Variants in AMOTL2 observed in about 807,000 individuals in gnomAD.
AMOTL2 encodes angiomotin-like protein 2.
A neutral mutation model predicts 78.4 loss-of-function variants in AMOTL2; 33 were observed. The ratio of observed to expected loss-of-function variants is 0.42; its 90% CI spans 0.32 to 0.56. AMOTL2 has a LOEUF of 0.56. Among genes scored for constraint, AMOTL2 ranks in the 20% least tolerant of loss-of-function variants. AMOTL2 has a pLI of 0.12. For missense variants in AMOTL2, 983 were observed against 1,030.1 expected (o/e 0.95, Z 0.63); for synonymous variants, 422 against 428.8 (o/e 0.98, Z 0.20).
At chr3:134,371,557 A>C (rs1438413306) in intron 1 of AMOTL2, 63 bp from the exon 2 acceptor site, 1 of 1,497,316 alleles carries the variant, frequency 6.7e-7, no homozygotes, top group Non-Finnish European at 8.9e-7. Context: ...GGAAAGGAGA[A>C]GGCTTTCCAG....
chr3:134,367,976 C>A, intron 2 of AMOTL2, 173 bp from the exon 3 acceptor site: 1 of 576,282 alleles, frequency 1.7e-6, no homozygotes. Flanking sequence ...TAGTGTTAGG[C>A]AGGGACCAGT....
intron 5 of AMOTL2, among the ~76,000 whole-genome samples, chr3:134,363,669 G>T (rs2017472369): frequency 6.6e-6 from 1 of 152,216 alleles, no homozygotes; most frequent in Admixed American, 6.5e-5. Context: ...GGGCTGCGTG[G>T]CTTGCCTAGG....
chr3:134,373,945 T>C, intron 1 of AMOTL2: 2 of 617,370 alleles, frequency 3.2e-6, no homozygotes, highest in Non-Finnish European at 4.0e-6. Flanking sequence ...AAGGCACCTG[T>C]AACCCCCACC....
chr3:134,366,450 C>G, intron 3 of AMOTL2, 23 bp from the exon 4 acceptor site: 1 of 1,605,660 alleles, frequency 6.2e-7, no homozygotes, highest in East Asian at 2.2e-5. Flanking sequence ...GACAGCAGAG[C>G]TGAATGAAGG....
intron 8 of AMOTL2, among the ~76,000 whole-genome samples, 169 bp downstream of exon 8, chr3:134,359,114 C>G (rs1022415209): frequency 4.6e-5 from 7 of 152,258 alleles, no homozygotes; most frequent in Non-Finnish European, 7.4e-5. Context: ...GGCAGGAGAG[C>G]CTTGCGCTGT....
Position 134,366,369 on chromosome 3 carries a change from G to C in AMOTL2, c.1100C>G (p.Ser367Cys). The C allele has an allele frequency of 6.2e-7, 1 of 1,614,100 alleles. No individual in the cohort carries two copies. Among genetic ancestry groups the C allele is most frequent in the South Asian group, 1.1e-5 (1 of 91,082 alleles). Residue 367 changes from serine (S) to cysteine (C), a missense_variant, in exon 4 of 10, where the codon TCC (serine) becomes TGC (cysteine). Coordinates refer to ENST00000249883, the MANE Select transcript of AMOTL2 (RefSeq NM_016201.4). ...GGTCTTCTCCAGGGCCTCACGCTTG[G>C]AGGAGGCTCTGGTCAGGCTCTCATG... Reference protein sequence around the residue: ...EAHESLTRASSKREALEKTMR... With the variant: ...EAHESLTRASCKREALEKTMR...
chr3:134,373,032 G>A lies in AMOTL2; in HGVS notation c.-62+1310C>T, dbSNP rs1296515675. On this transcript the variant is annotated intron_variant, in intron 1 of 9. Coordinates refer to ENST00000249883, the MANE Select transcript of AMOTL2 (RefSeq NM_016201.4). ...GTTTGGGCTATGGCATGTTGGCAGA[G>A]CAGCCATTCCCGATCTTTTCCCTCT... is the stretch of plus-strand genomic sequence containing the variant. Among the ~76,000 whole-genome samples, 3 of 152,236 alleles carry A rather than the reference G, an allele frequency of 2.0e-5. No individual in the cohort carries two copies. The East Asian group carries it at 5.8e-4, about 29-fold the overall frequency.
At position 134,360,073 on chromosome 3, in the gene AMOTL2, C is replaced by T. The variant is rs200489847; in HGVS notation, c.1883+33G>A. The T allele has an allele frequency of 5.1e-6, 8 of 1,583,652 alleles. No homozygotes were observed. The African/African-American group carries it at 6.7e-5, about 13-fold the overall frequency. On this transcript the variant is annotated intron_variant, in intron 7 of 9. Coordinates refer to ENST00000249883, the MANE Select transcript of AMOTL2 (RefSeq NM_016201.4). Reference sequence around the variant, plus strand: ...TGACTGGACATTGCCACCCACCCCCCCAACCTCAGGTGCCTGGCCTGCAAT... The same window carrying T: ...TGACTGGACATTGCCACCCACCCCCTCAACCTCAGGTGCCTGGCCTGCAAT...
chr3:134,359,657 G>C (rs2017257947), intron 7 of AMOTL2, among the ~76,000 whole-genome samples, 154 bp from the exon 8 acceptor site: 1 of 152,154 alleles, frequency 6.6e-6, no homozygotes, highest in Non-Finnish European at 1.5e-5. Context: ...GACCCAGAGA[G>C]GGCTTAGAAA....
chr3:134,357,540 C>A lies in AMOTL2; in HGVS notation c.*165G>T. ...GGTGCTCTCACAGCTCTCCTCTCCC[C>A]TGGGGTCCTCCTCCTGAGCTCCTGG... On this transcript the variant is annotated 3_prime_UTR_variant, in exon 10 of 10. Transcript: ENST00000249883. 1.4e-6 allele frequency: 1 copy of A among 722,838 alleles called. No individual in the cohort carries two copies. The highest frequency in any genetic ancestry group is 1.6e-5 in the South Asian group (1 of 61,518). 44.8% of individuals were successfully genotyped at this position (722,838 alleles called of 1,614,324 possible).
At position 134,359,297 on chromosome 3, in the gene AMOTL2, G is replaced by A. The variant is rs757393445; in HGVS notation, c.2090C>T (p.Ala697Val). 2.5e-6 allele frequency: 4 copies of A among 1,614,204 alleles called. No homozygotes were observed. The highest frequency in any genetic ancestry group is 2.5e-6 in the Non-Finnish European group (3 of 1,180,034). The change falls in exon 8 of 10, where the codon GCT becomes GTT. Residue 697 changes from alanine to valine, a missense_variant. Transcript: ENST00000249883. ...SSERQTADAP[A>V]RLTTADRAPT... ...CCTCCTCTTACCTGTAGTCAGCCGAGCAGGGGCGTCTGCTGTTTGTCGCTC... is the reference window on the plus strand; with the variant it reads ...CCTCCTCTTACCTGTAGTCAGCCGAACAGGGGCGTCTGCTGTTTGTCGCTC...
chr3:134,365,718 A>G (rs1223092162), intron 5 of AMOTL2, 99 bp downstream of exon 5: 2 of 1,103,942 alleles, frequency 1.8e-6, no homozygotes, highest in Non-Finnish European at 2.6e-6. Flanking sequence ...CCAAAGTACT[A>G]CTTTGCAAGG....
chr3:134,362,178 C>A (rs371888097), intron 5 of AMOTL2, among the ~76,000 whole-genome samples: 2 of 152,182 alleles, frequency 1.3e-5, no homozygotes, highest in Non-Finnish European at 2.9e-5. Context: ...GAGGTAGGAA[C>A]TGTGATGCCC....
intron 5 of AMOTL2, among the ~76,000 whole-genome samples, chr3:134,365,471 C>T (rs919466181): frequency 6.6e-6 from 1 of 152,170 alleles, no homozygotes; most frequent in African/African-American, 2.4e-5. Context: ...CAGACCTGTC[C>T]TTCTCCTTCA....
chr3:134,374,797 C>G, upstream of AMOTL2: 2 of 1,035,274 alleles, frequency 1.9e-6, no homozygotes, highest in Non-Finnish European at 2.3e-6. Flanking sequence ...CCTCCACTCC[C>G]AGTCGCCGAC....
rs1455356029 is a variant in AMOTL2, at chr3:134,370,890, G to GGGA, written c.541_543dup (p.Ser181dup). 6.2e-7 allele frequency: 1 copy of GGGA among 1,611,976 alleles called. No individual in the cohort carries two copies. Among genetic ancestry groups the GGGA allele is most frequent in the African/African-American group, 1.3e-5 (1 of 74,904 alleles). ...TTGCGGGCCAGCTGTGGGAAGCTGT[G>GGGA]GGAGGAGCTCATGTGGCTGGGGGCC... On this transcript the variant is annotated inframe_insertion, in exon 2 of 10. Transcript: ENST00000249883.
chr3:134,361,731 C>T lies in AMOTL2; in HGVS notation c.1356G>A (p.Arg452=). ...ALLRGAIEDQ[R]RRAELLEQAL... is the part of the protein sequence containing the mutation. The stretch of plus-strand genomic sequence containing the variant: ...CCTGCTCCAGCAGCTCGGCACGCCG[C>T]CGCTGGTCCTCGATGGCGCCGCGCA... The change falls in exon 6 of 10, where the codon CGG becomes CGA. Residue 452 remains arginine (R), a synonymous_variant. Transcript: ENST00000249883. 1 of 1,607,482 alleles carries T rather than the reference C, an allele frequency of 6.2e-7. No homozygotes were observed. Among genetic ancestry groups the T allele is most frequent in the Non-Finnish European group, 8.5e-7 (1 of 1,177,074 alleles).
rs77820313 is a variant in AMOTL2 at position 134,355,437 on chromosome 3, G to A, written c.*2268C>T. ...TGATGTCACAGCAAAGGAGGGAGGCGGTGGCTAAGAACATGCACATTCTTG... is the reference window on the plus strand; with the variant it reads ...TGATGTCACAGCAAAGGAGGGAGGCAGTGGCTAAGAACATGCACATTCTTG... On this transcript the variant is annotated 3_prime_UTR_variant, in exon 10 of 10. Coordinates refer to ENST00000249883, the MANE Select transcript of AMOTL2 (RefSeq NM_016201.4). 0.061 allele frequency among the ~76,000 whole-genome samples: 9,225 copies of A among 152,212 alleles called. 908 individuals carry two copies. Among genetic ancestry groups the A allele is most frequent in the African/African-American group, 0.21 (8,675 of 41,498 alleles).
Position 134,357,540 on chromosome 3 carries a change from C to G in AMOTL2, c.*165G>C, listed in dbSNP as rs1221890550. ...GGTGCTCTCACAGCTCTCCTCTCCC[C>G]TGGGGTCCTCCTCCTGAGCTCCTGG... On this transcript the variant is annotated 3_prime_UTR_variant, in exon 10 of 10. Coordinates refer to ENST00000249883, the MANE Select transcript of AMOTL2 (RefSeq NM_016201.4). 1 of 722,720 alleles carries G rather than the reference C, an allele frequency of 1.4e-6. No individual in the cohort carries two copies. Among genetic ancestry groups the G allele is most frequent in the African/African-American group, 1.7e-5 (1 of 58,004 alleles). 44.8% of individuals were successfully genotyped at this position (722,720 alleles called of 1,614,324 possible).
Sources: allele counts gnomAD v4.1 joint callset (sites outside exome capture counted in the v4.1 genomes callset), GRCh38; gene constraint gnomAD v4.1.1; transcripts MANE v1.5; gene names NCBI Gene and HGNC (gene_info 2026-07-23, HGNC 2026-07-21).